Variants in LARS1 observed in about 807,000 individuals in gnomAD.
The protein encoded by LARS1 is leucyl-tRNA synthetase 1, also known as leucine--tRNA ligase, cytoplasmic.
In LARS1, 100 loss-of-function variants were observed where a neutral mutation model predicts 162.8. The ratio of observed to expected loss-of-function variants is 0.61; its 90% CI spans 0.52 to 0.73. The LOEUF is 0.73. LARS1 is among the 30% of genes least tolerant of loss of function. The pLI is 0.00. For synonymous variants in LARS1, 457 were observed against 462.8 expected (o/e 0.99, Z 0.16); for missense variants, 1,258 against 1,408.9 (o/e 0.89, Z 1.71).
At chr5:146,126,334 A>C in intron 28 of LARS1, 101 bp downstream of exon 28, 1 of 646,486 alleles carries the variant, frequency 1.5e-6, no homozygotes, top group South Asian at 2.3e-5. Flanking sequence ...ATTTTAGCAG[A>C]TTTCTGGCAG....
At chr5:146,118,781 A>G (rs921381369) in intron 31 of LARS1, among the ~76,000 whole-genome samples, 1 of 152,210 alleles carries the variant, frequency 6.6e-6, no homozygotes, top group East Asian at 1.9e-4. Flanking sequence ...GTAGAGATGG[A>G]TGGTGGTGAT....
rs367858308 is a variant in LARS1 at position 146,153,782 on chromosome 5, G to A, written c.1182C>T (p.Ser394=). ...KGTGVVTSVP[S]DSPDDIAALR... The stretch of plus-strand genomic sequence containing the variant: ...GGGCAGCAATATCATCAGGGGAGTC[G>A]GAAGGAACACTTGTAACCACACCAG... Residue 394 remains serine (S), a synonymous_variant, in exon 12 of 32, where the codon TCC becomes TCT. Coordinates refer to ENST00000394434, the MANE Select transcript of LARS1 (RefSeq NM_020117.11). 179 of 1,613,850 alleles carry A rather than the reference G, an allele frequency of 1.1e-4. No individual in the cohort carries two copies. Among genetic ancestry groups the A allele is most frequent in the African/African-American group, 2.0e-4 (15 of 74,870 alleles).
intron 15 of LARS1, among the ~76,000 whole-genome samples, chr5:146,147,343 C>T (rs1234614180): frequency 2.0e-5 from 3 of 150,862 alleles, no homozygotes; most frequent in Non-Finnish European, 2.9e-5. Flanking sequence ...TGAAGTGGGA[C>T]GATCACTTGA....
chr5:146,144,175 C>G, intron 18 of LARS1, 92 bp downstream of exon 18: 2 of 902,092 alleles, frequency 2.2e-6, no homozygotes, highest in Non-Finnish European at 3.4e-6. Flanking sequence ...TCAGAAAACA[C>G]TAGAATTGAG....
At chr5:146,154,639 G>A (rs909866978) in intron 10 of LARS1, among the ~76,000 whole-genome samples, 21 of 151,842 alleles carry the variant, frequency 1.4e-4, no homozygotes, top group South Asian at 6.2e-4. Flanking sequence ...TTAGCCAGGC[G>A]TGGTGGCATG....
At chr5:146,174,319 C>T (rs1754411295) in intron 2 of LARS1, among the ~76,000 whole-genome samples, 2 of 149,404 alleles carry the variant, frequency 1.3e-5, no homozygotes, top group South Asian at 4.2e-4. Flanking sequence ...GTGGCGCATG[C>T]CTGTAATCCC....
chr5:146,142,152 CT>C (rs1752809390), intron 20 of LARS1, among the ~76,000 whole-genome samples: 1 of 151,904 alleles, frequency 6.6e-6, no homozygotes, highest in South Asian at 2.1e-4. Context: ...AAGAGCAAAC[CT>C]CTGTCTCAAA....
intron 24 of LARS1, chr5:146,130,632 T>C (rs915484777): frequency 8.6e-5 from 15 of 174,904 alleles, no homozygotes; most frequent in Non-Finnish European, 1.7e-4. Flanking sequence ...AATGCCAAAC[T>C]TGAGGAAATA....
Position 146,137,301 on chromosome 5 carries a change from A to G in LARS1, c.2149-1637T>C, listed in dbSNP as rs191280744. On this transcript the variant is annotated intron_variant, in intron 21 of 31. Coordinates refer to ENST00000394434, the MANE Select transcript of LARS1 (RefSeq NM_020117.11). Reference sequence around the variant, plus strand: ...AAATTCACTGGTTGTAACAAATCTAATTTGTTACCATTTTTATTAATGAGG... The same window carrying G: ...AAATTCACTGGTTGTAACAAATCTAGTTTGTTACCATTTTTATTAATGAGG... 1.2e-3 allele frequency among the ~76,000 whole-genome samples: 181 copies of G among 152,238 alleles called. 1 individual carries two copies. Among genetic ancestry groups the G allele is most frequent in the African/African-American group, 4.3e-3 (178 of 41,562 alleles).
At chr5:146,114,826 G>A (rs13161233) in intron 31 of LARS1, among the ~76,000 whole-genome samples, 60,632 of 151,512 alleles carry the variant, frequency 0.4, 12,766 homozygotes, top group African/African-American at 0.51. Context: ...TGGGCAGATC[G>A]CGAGGTCCGG....
intron 1 of LARS1, among the ~76,000 whole-genome samples, chr5:146,179,095 G>T (rs532971461): frequency 6.6e-6 from 1 of 152,084 alleles, no homozygotes; most frequent in Non-Finnish European, 1.5e-5. Flanking sequence ...AGCCGGATGC[G>T]TTGGCATGCG....
intron 22 of LARS1, among the ~76,000 whole-genome samples, chr5:146,133,906 G>A (rs954344003): frequency 1.1e-4 from 16 of 152,146 alleles, no homozygotes; most frequent in South Asian, 6.2e-4. Context: ...ATGCAATGGC[G>A]CGATCTCGGC....
chr5:146,121,415 AT>A (rs1357788108), intron 30 of LARS1, among the ~76,000 whole-genome samples: 22 of 152,054 alleles, frequency 1.4e-4, no homozygotes, highest in Admixed American at 1.4e-3. Context: ...AAAAAACAGA[AT>A]GTCCTTCCTC....
chr5:146,173,127 T>G (rs1754349925), intron 2 of LARS1, among the ~76,000 whole-genome samples: 1 of 152,096 alleles, frequency 6.6e-6, no homozygotes. Flanking sequence ...GCTGGTGGAC[T>G]GCTTGAGGCC....
chr5:146,181,216 G>C (rs780561087), intron 1 of LARS1: 1 of 152,044 alleles, frequency 6.6e-6, no homozygotes, highest in Non-Finnish European at 1.5e-5. Context: ...AACTGGGCAT[G>C]GTGGCGCGCG....
At chr5:146,133,294 G>A (rs564545600) in intron 22 of LARS1, among the ~76,000 whole-genome samples, 45 of 152,240 alleles carry the variant, frequency 3.0e-4, no homozygotes, top group African/African-American at 1.1e-3. Context: ...ATATTGATTT[G>A]CATCCACTAA....
intron 13 of LARS1, 53 bp from the exon 14 acceptor site, chr5:146,152,055 T>C: frequency 6.2e-7 from 1 of 1,602,150 alleles, no homozygotes; most frequent in Non-Finnish European, 8.5e-7. Flanking sequence ...CACACAGCTC[T>C]GTAGGGCACA....
chr5:146,145,618 A>G (rs949575227), intron 15 of LARS1, among the ~76,000 whole-genome samples: 9 of 152,156 alleles, frequency 5.9e-5, no homozygotes, highest in Admixed American at 2.0e-4. Flanking sequence ...CCAAATATAA[A>G]TCTCTCTTAA....
intron 21 of LARS1, among the ~76,000 whole-genome samples, chr5:146,136,839 T>C (rs1330507246): frequency 6.6e-6 from 1 of 152,220 alleles, no homozygotes; most frequent in Non-Finnish European, 1.5e-5. Flanking sequence ...ACAGGCTAAG[T>C]CTGATGTTAC....
Sources: gnomAD v4.1 joint callset for allele counts (sites outside exome capture counted in the v4.1 genomes callset) on GRCh38, gnomAD v4.1.1 for gene constraint, MANE v1.5 for transcripts, NCBI Gene and HGNC (gene_info 2026-07-23, HGNC 2026-07-21) for gene names.